The following NKAIN3 variants were observed in gnomAD, a reference collection of about 807,000 sequenced individuals.
The protein encoded by NKAIN3 is sodium/potassium transporting ATPase interacting 3, also known as sodium/potassium-transporting ATPase subunit beta-1-interacting protein 3.
Under a neutral mutation model 30.2 loss-of-function variants are expected in NKAIN3, and 25 were observed. The ratio of observed to expected loss-of-function variants is 0.83; its 90% CI spans 0.60 to 1.16. The LOEUF is 1.16. Ranked by LOEUF, NKAIN3 falls within the 50% of genes most tolerant of loss-of-function variation. The pLI is 0.00. For missense variants in NKAIN3, 225 were observed against 254.1 expected, an observed-to-expected ratio of 0.89 and a Z score of 0.78; for synonymous variants, 91 against 89.6, an observed-to-expected ratio of 1.02 and a Z score of -0.09.
rs1357880364 is a variant in NKAIN3, at chr8:62,701,205, A to T, written c.274-45727A>T. On this transcript the variant is annotated intron_variant, in intron 3 of 6. Transcript: ENST00000623646. ...TCATAATGCCACTATAATGCAATAG[A>T]TGTTAGGATTTGGCCATCTGGGCAT... Among the ~76,000 whole-genome samples, 6 of 152,166 alleles carry T rather than the reference A, an allele frequency of 3.9e-5. No homozygotes were observed. In the East Asian group the frequency reaches 1.2e-3, roughly 29 times the overall value.
At chr8:62,934,889 G>A (rs1226767966) in intron 5 of NKAIN3, among the ~76,000 whole-genome samples, 1 of 152,114 alleles carries the variant, frequency 6.6e-6, no homozygotes, top group Non-Finnish European at 1.5e-5. Flanking sequence ...AAGGAAAGGT[G>A]AGCAGGATTG....
chr8:62,785,964 C>G (rs1817503125), intron 4 of NKAIN3, among the ~76,000 whole-genome samples: 1 of 152,094 alleles, frequency 6.6e-6, no homozygotes, highest in Admixed American at 6.6e-5. Flanking sequence ...ACTGGACAGC[C>G]AGGTGTTCTC....
intron 4 of NKAIN3, among the ~76,000 whole-genome samples, chr8:62,814,657 G>A (rs993904461): frequency 1.3e-5 from 2 of 152,030 alleles, no homozygotes; most frequent in African/African-American, 4.8e-5. Flanking sequence ...AATGAAGGCA[G>A]AAATAAAGAC....
intron 3 of NKAIN3, among the ~76,000 whole-genome samples, chr8:62,723,292 A>G (rs1815151722): frequency 6.6e-6 from 1 of 152,262 alleles, no homozygotes; most frequent in South Asian, 2.1e-4. Flanking sequence ...CCCAGGTGGT[A>G]AATTTAACAA....
intron 2 of NKAIN3, among the ~76,000 whole-genome samples, chr8:62,586,222 T>A (rs191383662): frequency 3.9e-5 from 6 of 152,302 alleles, no homozygotes; most frequent in African/African-American, 1.4e-4. Flanking sequence ...TAAATCCCAT[T>A]CTTGAGTCAC....
intron 4 of NKAIN3, among the ~76,000 whole-genome samples, chr8:62,862,555 A>G (rs1448659700): frequency 3.9e-5 from 6 of 152,172 alleles, no homozygotes; most frequent in Non-Finnish European, 4.4e-5. Flanking sequence ...ATTTATTATA[A>G]TACCTGAGTT....
intron 1 of NKAIN3, among the ~76,000 whole-genome samples, chr8:62,277,187 C>T (rs1180069959): frequency 6.6e-6 from 1 of 152,072 alleles, no homozygotes; most frequent in African/African-American, 2.4e-5. Flanking sequence ...CATATTTCAG[C>T]TACATTTTTA....
chr8:62,850,972 G>GT lies in NKAIN3; in HGVS notation c.472-67475dup, dbSNP rs1335730778. Among the ~76,000 whole-genome samples the GT allele has an allele frequency of 2.6e-5, 4 of 152,122 alleles. No homozygotes were observed. The East Asian group carries it at 7.7e-4, about 29-fold the overall frequency. ...TTGGTTCCATATGAACTTTAAAGTA[G>GT]TTTTTTCCAATTCTGTGAAGAAAGT... On this transcript the variant is annotated intron_variant, in intron 4 of 6. Transcript: ENST00000623646.
At chr8:62,458,294 A>G (rs1805881803) in intron 1 of NKAIN3, among the ~76,000 whole-genome samples, 1 of 152,228 alleles carries the variant, frequency 6.6e-6, no homozygotes, top group African/African-American at 2.4e-5. Flanking sequence ...AAAGCTATAA[A>G]AAGAAAGTTA....
intron 1 of NKAIN3, among the ~76,000 whole-genome samples, chr8:62,526,034 T>C (rs766664925): frequency 6.6e-6 from 1 of 152,102 alleles, no homozygotes; most frequent in Non-Finnish European, 1.5e-5. Context: ...GCGGATCCCA[T>C]CTGGAAGATT....
chr8:62,460,350 G>T (rs1157249713), intron 1 of NKAIN3, among the ~76,000 whole-genome samples: 2 of 150,918 alleles, frequency 1.3e-5, no homozygotes, highest in African/African-American at 4.9e-5. Context: ...AGGCTGGGTT[G>T]CCGTGAGCTG....
intron 3 of NKAIN3, among the ~76,000 whole-genome samples, chr8:62,675,891 G>T (rs1465110146): frequency 6.6e-6 from 1 of 152,132 alleles, no homozygotes. Context: ...TAGAAAAGGG[G>T]ATTTATTTGA....
chr8:62,925,562 G>C (rs939724287), intron 5 of NKAIN3, among the ~76,000 whole-genome samples: 1 of 152,134 alleles, frequency 6.6e-6, no homozygotes, highest in African/African-American at 2.4e-5. Flanking sequence ...CCCCAGAGGG[G>C]GTTCTAATTT....
chr8:62,566,614 T>C (rs981282466), intron 1 of NKAIN3, among the ~76,000 whole-genome samples: 11 of 152,140 alleles, frequency 7.2e-5, no homozygotes, highest in African/African-American at 2.7e-4. Context: ...ATATGTAAAA[T>C]CTTTCTCTCC....
rs956726222 is a variant in NKAIN3 at position 62,449,652 on chromosome 8, A to C, written c.55-129887A>C. On this transcript the variant is annotated intron_variant, in intron 1 of 6. Coordinates refer to ENST00000623646, the MANE Select transcript of NKAIN3 (RefSeq NM_001304533.3). ...ATTGAGAGAGGTGTAATTTTTCAGA[A>C]CGTATAAGTTTAAGTATTAAAATAC... Among the ~76,000 whole-genome samples the C allele has an allele frequency of 2.6e-5, 4 of 152,196 alleles. No homozygotes were observed. The East Asian group carries it at 7.7e-4, about 29-fold the overall frequency.
chr8:62,863,457 T>C (rs1292591202), intron 4 of NKAIN3: 2 of 1,552,576 alleles, frequency 1.3e-6, no homozygotes, highest in African/African-American at 1.4e-5. Context: ...ATTCTAACCC[T>C]TGAAGGAAAT....
chr8:62,820,645 C>T (rs1015411578), intron 4 of NKAIN3, among the ~76,000 whole-genome samples: 4 of 152,018 alleles, frequency 2.6e-5, no homozygotes, highest in Admixed American at 6.6e-5. Context: ...CTCTGGTGAA[C>T]CGACAAACTA....
chr8:62,648,050 C>A (rs974156569), intron 3 of NKAIN3, among the ~76,000 whole-genome samples: 1 of 152,026 alleles, frequency 6.6e-6, no homozygotes, highest in African/African-American at 2.4e-5. Flanking sequence ...CAAAGTGATT[C>A]TCGGGTTTCT....
intron 1 of NKAIN3, among the ~76,000 whole-genome samples, chr8:62,291,654 G>A (rs1025006700): frequency 3.9e-5 from 6 of 151,962 alleles, no homozygotes; most frequent in Non-Finnish European, 8.8e-5. Flanking sequence ...GCTTTACTTC[G>A]AACTATGTGG....
Sources: allele counts gnomAD v4.1 joint callset (sites outside exome capture counted in the v4.1 genomes callset), GRCh38; gene constraint gnomAD v4.1.1; transcripts MANE v1.5; gene names NCBI Gene and HGNC (gene_info 2026-07-23, HGNC 2026-07-21).